Variants in SNTB1 observed in about 807,000 individuals in gnomAD.
SNTB1 encodes beta-1-syntrophin.
Under a neutral mutation model 48.9 loss-of-function variants are expected in SNTB1, and 36 were observed. That is an observed-to-expected ratio of 0.74 (90% CI 0.56 to 0.97). SNTB1 has a LOEUF of 0.97. Among genes scored for constraint, SNTB1 ranks in the 50% least tolerant of loss-of-function variants. The pLI, the probability that SNTB1 is intolerant of heterozygous loss-of-function variation, is 0.00. For synonymous variants in SNTB1, 299 were observed against 294.6 expected (o/e 1.01, Z -0.15); for missense variants, 786 against 703.4 (o/e 1.12, Z -1.33).
At chr8:120,688,092 A>G (rs577536686) in intron 2 of SNTB1, among the ~76,000 whole-genome samples, 26 of 152,318 alleles carry the variant, frequency 1.7e-4, no homozygotes, top group Admixed American at 3.3e-4. Context: ...TGAATGTTTC[A>G]TTTGTGCACC....
intron 5 of SNTB1, among the ~76,000 whole-genome samples, chr8:120,545,109 C>T (rs552745251): frequency 3.3e-5 from 5 of 152,002 alleles, no homozygotes; most frequent in Admixed American, 2.6e-4. Flanking sequence ...TTTGGGAGGC[C>T]GAGGTGGGTG....
At chr8:120,712,231 G>A (rs976286999) in intron 1 of SNTB1, among the ~76,000 whole-genome samples, 2 of 151,842 alleles carry the variant, frequency 1.3e-5, no homozygotes, top group Non-Finnish European at 2.9e-5. Flanking sequence ...TGGCTAACAC[G>A]GTGAAACCCC....
chr8:120,681,525 G>A (rs1211160697), intron 2 of SNTB1, among the ~76,000 whole-genome samples: 1 of 152,178 alleles, frequency 6.6e-6, no homozygotes, highest in Non-Finnish European at 1.5e-5. Context: ...ATATGGCCCT[G>A]AAAAGAGGGC....
chr8:120,807,925 T>C (rs1343955744), intron 1 of SNTB1, among the ~76,000 whole-genome samples: 1 of 151,702 alleles, frequency 6.6e-6, no homozygotes, highest in Non-Finnish European at 1.5e-5. Context: ...TATTTTTTTA[T>C]TTTTTTTGAG....
intron 1 of SNTB1, among the ~76,000 whole-genome samples, chr8:120,737,048 C>A (rs115150322): frequency 1.6e-4 from 24 of 152,258 alleles, no homozygotes; most frequent in African/African-American, 5.3e-4. Flanking sequence ...CATGATGGAG[C>A]GGCAGTCCAA....
chr8:120,578,350 C>A (rs959933272), intron 3 of SNTB1, among the ~76,000 whole-genome samples: 1 of 152,098 alleles, frequency 6.6e-6, no homozygotes, highest in African/African-American at 2.4e-5. Flanking sequence ...TTATTTCAAG[C>A]CTTTGAAGAC....
chr8:120,663,410 T>C (rs1341798190), intron 2 of SNTB1, among the ~76,000 whole-genome samples: 1 of 152,082 alleles, frequency 6.6e-6, no homozygotes, highest in Non-Finnish European at 1.5e-5. Flanking sequence ...AAGAAGTTCT[T>C]TTTCTCCTGC....
At chr8:120,656,157 G>C (rs1198569467) in intron 2 of SNTB1, among the ~76,000 whole-genome samples, 3 of 152,208 alleles carry the variant, frequency 2.0e-5, no homozygotes, top group Non-Finnish European at 4.4e-5. Context: ...GTGGATTTAG[G>C]AAGCAGGTTG....
intron 1 of SNTB1, among the ~76,000 whole-genome samples, chr8:120,760,093 C>T (rs77294839): frequency 0.023 from 3,508 of 152,166 alleles, 134 homozygotes; most frequent in African/African-American, 0.08. Context: ...ATTTTATGAA[C>T]ACAGTATTGA....
In SNTB1 at chr8:120,808,685, A is replaced by C. The variant is rs148837920; in HGVS notation, c.571+2588T>G. 1.7e-4 allele frequency among the ~76,000 whole-genome samples: 26 copies of C among 152,186 alleles called. No homozygotes were observed. In the East Asian group the frequency reaches 5.0e-3, roughly 29 times the overall value. On this transcript the variant is annotated intron_variant, in intron 1 of 6. Transcript: ENST00000517992. ...CGGATGAAGACACTGAGACTCAGGGAGGTTATGTTAATTCTGTGGCGGAAT... is the reference window on the plus strand; with the variant it reads ...CGGATGAAGACACTGAGACTCAGGGCGGTTATGTTAATTCTGTGGCGGAAT...
At chr8:120,804,724 C>A (rs573858860) in intron 1 of SNTB1, among the ~76,000 whole-genome samples, 1 of 152,282 alleles carries the variant, frequency 6.6e-6, no homozygotes, top group Admixed American at 6.5e-5. Context: ...ATACGCCCCC[C>A]CAAGGCATGG....
chr8:120,586,217 C>T (rs912821830), intron 3 of SNTB1, among the ~76,000 whole-genome samples: 14 of 152,224 alleles, frequency 9.2e-5, no homozygotes, highest in African/African-American at 3.1e-4. Context: ...GCCAAATCTT[C>T]CAGTGTTTCA....
chr8:120,757,914 A>C (rs113869693), intron 1 of SNTB1, among the ~76,000 whole-genome samples: 42 of 120,182 alleles, frequency 3.5e-4, no homozygotes, highest in African/African-American at 1.1e-3. Context: ...TGGGAAAGAC[A>C]CTCTGAAAGA....
intron 5 of SNTB1, among the ~76,000 whole-genome samples, chr8:120,547,112 C>T (rs1815395862): frequency 6.6e-6 from 1 of 152,022 alleles, no homozygotes; most frequent in Non-Finnish European, 1.5e-5. Context: ...GTCAGGTTGA[C>T]AAGGGAAATG....
At chr8:120,787,373 C>A (rs1320995854) in intron 1 of SNTB1, among the ~76,000 whole-genome samples, 1 of 151,918 alleles carries the variant, frequency 6.6e-6, no homozygotes, top group Non-Finnish European at 1.5e-5. Flanking sequence ...TGGATTCAAA[C>A]CCAAATGCAA....
chr8:120,608,706 A>T (rs759384429), intron 3 of SNTB1, among the ~76,000 whole-genome samples: 7 of 152,210 alleles, frequency 4.6e-5, no homozygotes, highest in Admixed American at 1.3e-4. Context: ...AAGGATAGAG[A>T]CGACACTAGA....
intron 1 of SNTB1, among the ~76,000 whole-genome samples, chr8:120,715,545 A>G (rs1443058669): frequency 1.3e-5 from 2 of 152,228 alleles, no homozygotes; most frequent in Non-Finnish European, 2.9e-5. Context: ...GTCTCTTTGA[A>G]AGAAGCAATA....
intron 3 of SNTB1, among the ~76,000 whole-genome samples, chr8:120,579,127 A>G (rs1177538511): frequency 6.6e-6 from 1 of 152,192 alleles, no homozygotes; most frequent in Non-Finnish European, 1.5e-5. Context: ...CAGTGAGCCA[A>G]GATCGCGCCA....
intron 2 of SNTB1, among the ~76,000 whole-genome samples, chr8:120,673,688 C>T (rs1817791142): frequency 6.6e-6 from 1 of 151,966 alleles, no homozygotes; most frequent in Non-Finnish European, 1.5e-5. Flanking sequence ...GTTTCAGGGC[C>T]TCTTGCTCTA....
Sources: gnomAD v4.1 joint callset for allele counts (sites outside exome capture counted in the v4.1 genomes callset) on GRCh38, gnomAD v4.1.1 for gene constraint, MANE v1.5 for transcripts, NCBI Gene and HGNC (gene_info 2026-07-23, HGNC 2026-07-21) for gene names.